The following C1QTNF3 variants were observed in gnomAD, a reference collection of about 807,000 sequenced individuals.
C1QTNF3 encodes the protein complement C1q tumor necrosis factor-related protein 3.
In C1QTNF3, 26 loss-of-function variants were observed where a neutral mutation model predicts 32.6. The observed-to-expected ratio is 0.80, with a 90% CI of 0.58 to 1.11. C1QTNF3 has a LOEUF of 1.11. Among genes scored for constraint, C1QTNF3 ranks in the 50% least tolerant of loss-of-function variants. C1QTNF3 has a pLI of 0.00. For missense variants in C1QTNF3, 362 were observed against 398.2 expected (o/e 0.91, Z 0.77); for synonymous variants, 155 against 146.0 (o/e 1.06, Z -0.44).
chr5:34,202,966 CTTGA>C, the C1QTNF3 span, among the ~76,000 whole-genome samples: 3 of 152,070 alleles, frequency 2.0e-5, no homozygotes, highest in Non-Finnish European at 2.9e-5. Flanking sequence ...AAACCAATGG[CTTGA>C]TTGACATAAC....
chr5:34,174,193 G>T, the C1QTNF3 span, among the ~76,000 whole-genome samples: 4 of 152,160 alleles, frequency 2.6e-5, no homozygotes, highest in Non-Finnish European at 2.9e-5. Context: ...GAGTAACTGG[G>T]ACTACAGGTG....
chr5:34,166,198 A>C, the C1QTNF3 span: 2 of 152,124 alleles, frequency 1.3e-5, no homozygotes, highest in East Asian at 3.9e-4. Context: ...TTTTTATCTT[A>C]AGAAGTATAA....
At chr5:34,121,947 C>A in the C1QTNF3 span, among the ~76,000 whole-genome samples, 3 of 152,294 alleles carry the variant, frequency 2.0e-5, no homozygotes, top group South Asian at 6.2e-4. Flanking sequence ...AGTAGGCTGA[C>A]CCTCACCAGA....
the C1QTNF3 span, among the ~76,000 whole-genome samples, chr5:34,116,187 T>C: frequency 7.9e-5 from 12 of 152,200 alleles, no homozygotes; most frequent in Admixed American, 2.6e-4. Flanking sequence ...CAAATTTCCT[T>C]TTGAAGATTT....
At chr5:34,177,280 T>C in the C1QTNF3 span, among the ~76,000 whole-genome samples, 8 of 152,296 alleles carry the variant, frequency 5.3e-5, no homozygotes, top group Admixed American at 5.2e-4. Context: ...TGGCTACCAT[T>C]TCAGACAGTG....
chr5:34,148,364 G>A, the C1QTNF3 span, among the ~76,000 whole-genome samples: 1 of 64,098 alleles, frequency 1.6e-5, no homozygotes, highest in South Asian at 6.7e-4. Context: ...ACAGCTCAAG[G>A]AGGCCTGCCT....
chr5:34,036,184 T>A (rs897424780), intron 1 of C1QTNF3, among the ~76,000 whole-genome samples: 4 of 152,244 alleles, frequency 2.6e-5, no homozygotes, highest in African/African-American at 9.6e-5. Context: ...TTATCCACTT[T>A]AAGCACTGTT....
chr5:34,226,025 T>C, the C1QTNF3 span, among the ~76,000 whole-genome samples: 1 of 152,010 alleles, frequency 6.6e-6, no homozygotes, highest in African/African-American at 2.4e-5. Flanking sequence ...ATTATCTGAT[T>C]AAATATTTTT....
chr5:34,176,345 T>C, the C1QTNF3 span, among the ~76,000 whole-genome samples: 2 of 150,584 alleles, frequency 1.3e-5, no homozygotes, highest in Admixed American at 6.6e-5. Context: ...ATGGCACATG[T>C]ATACGTATGT....
the C1QTNF3 span, among the ~76,000 whole-genome samples, chr5:34,115,709 TGACAGAGC>T: frequency 6.7e-6 from 1 of 149,464 alleles, no homozygotes; most frequent in Non-Finnish European, 1.5e-5. Context: ...CCAGCCTGGG[TGACAGAGC>T]GAGACTCTGT....
the C1QTNF3 span, among the ~76,000 whole-genome samples, chr5:34,159,197 T>C: frequency 6.6e-6 from 1 of 152,010 alleles, no homozygotes; most frequent in Admixed American, 6.5e-5. Flanking sequence ...CTCTGTGTAT[T>C]TGAAATTCAT....
chr5:34,046,575 T>A (rs1002870026), upstream of C1QTNF3, among the ~76,000 whole-genome samples: 1 of 152,178 alleles, frequency 6.6e-6, no homozygotes, highest in African/African-American at 2.4e-5. Context: ...GTGGAACAGA[T>A]GATTCTCTCA....
the C1QTNF3 span, among the ~76,000 whole-genome samples, chr5:34,075,683 A>G: frequency 1.3e-5 from 2 of 151,648 alleles, no homozygotes; most frequent in Non-Finnish European, 2.9e-5. Flanking sequence ...GAATGGAAAT[A>G]TCTAAAAAAA....
the C1QTNF3 span, among the ~76,000 whole-genome samples, chr5:34,197,017 C>T: frequency 6.6e-6 from 1 of 152,308 alleles, no homozygotes; most frequent in African/African-American, 2.4e-5. Context: ...ATGTATTGAA[C>T]ACTACAGCTG....
At chr5:34,103,531 CAGGT>C in the C1QTNF3 span, among the ~76,000 whole-genome samples, 1 of 147,354 alleles carries the variant, frequency 6.8e-6, no homozygotes, top group Admixed American at 6.8e-5. Flanking sequence ...AGTTAAAAAA[CAGGT>C]AGTCTGGACG....
chr5:34,231,954 G>GT, the C1QTNF3 span, among the ~76,000 whole-genome samples: 1 of 140,410 alleles, frequency 7.1e-6, no homozygotes, highest in African/African-American at 2.7e-5. Flanking sequence ...AAAAGTCACA[G>GT]GCACTCAATC....
the C1QTNF3 span, among the ~76,000 whole-genome samples, chr5:34,078,584 G>T: frequency 6.6e-6 from 1 of 151,540 alleles, no homozygotes; most frequent in Non-Finnish European, 1.5e-5. This position sits in a 1 kb window ranked among gnomAD's most constrained non-coding sequence, Gnocchi z 4.0. Flanking sequence ...CTCCCAGCAG[G>T]TTTCTCCCCT....
the C1QTNF3 span, among the ~76,000 whole-genome samples, chr5:34,078,593 C>T: frequency 1.2e-4 from 18 of 151,674 alleles, no homozygotes; most frequent in East Asian, 7.7e-4. The surrounding 1 kb of genome is among the most constrained non-coding windows in gnomAD (Gnocchi z 4.0). Context: ...GGTTTCTCCC[C>T]TGACACTTGG....
At chr5:34,219,853 A>G in the C1QTNF3 span, 2 of 152,146 alleles carry the variant, frequency 1.3e-5, no homozygotes, top group Admixed American at 1.3e-4. Flanking sequence ...ATACCTGGAA[A>G]GGTTCTAGAC....
Sources: allele counts gnomAD v4.1 joint callset (sites outside exome capture counted in the v4.1 genomes callset), GRCh38; gene constraint gnomAD v4.1.1; non-coding constraint Gnocchi (gnomAD v3.1); transcripts MANE v1.5; gene names NCBI Gene and HGNC (gene_info 2026-07-23, HGNC 2026-07-21).